The following DDX6 variants were observed in gnomAD, a reference collection of about 807,000 sequenced individuals.
The protein encoded by DDX6 is probable ATP-dependent RNA helicase DDX6.
DDX6 carries 7 observed loss-of-function variants against 60.6 expected under a neutral mutation model. That is an observed-to-expected ratio of 0.12 (90% CI 0.07 to 0.22). DDX6 has a LOEUF of 0.22. DDX6 is among the 10% of genes least tolerant of loss of function. DDX6 has a pLI of 1.00. For synonymous variants in DDX6, 207 were observed against 201.0 expected, an observed-to-expected ratio of 1.03 and a Z score of -0.25; for missense variants, 270 against 589.9, an observed-to-expected ratio of 0.46 and a Z score of 5.62.
intron 4 of DDX6, among the ~76,000 whole-genome samples, chr11:118,773,405 TA>T (rs58173540): frequency 6.6e-6 from 1 of 151,178 alleles, no homozygotes; most frequent in Non-Finnish European, 1.5e-5. Context: ...CCGTCTCTAC[TA>T]AAAAAATACA....
chr11:118,779,000 T>C (rs575630572), intron 4 of DDX6, among the ~76,000 whole-genome samples: 6 of 151,370 alleles, frequency 4.0e-5, no homozygotes, highest in South Asian at 2.1e-4. Context: ...TACAAAAAAA[T>C]AGAAAAATTA....
At position 118,756,217 on chromosome 11, in the gene DDX6, T is replaced by C. The variant is rs576060897; in HGVS notation, c.1174+43A>G. 19 of 1,565,484 alleles carry C rather than the reference T, an allele frequency of 1.2e-5. No individual in the cohort carries two copies. In the East Asian group the frequency reaches 3.6e-4, roughly 30 times the overall value. ...ATGAACAGAGAAAGCAAAAAACAAC[T>C]TGGGAGAAAAACACTGGGTAAAGGA... is the stretch of plus-strand genomic sequence containing the variant. On this transcript the variant is annotated intron_variant, in intron 11 of 13. Coordinates refer to ENST00000534980, the MANE Select transcript of DDX6 (RefSeq NM_004397.6).
intron 13 of DDX6, among the ~76,000 whole-genome samples, chr11:118,753,872 A>T (rs1555158063): frequency 1.3e-5 from 2 of 152,056 alleles, no homozygotes; most frequent in Non-Finnish European, 2.9e-5. Flanking sequence ...AGGCGGGTAG[A>T]TCACTTGAGG....
At chr11:118,758,219 G>C (rs1472697011) in intron 9 of DDX6, among the ~76,000 whole-genome samples, 2 of 152,156 alleles carry the variant, frequency 1.3e-5, no homozygotes, top group Non-Finnish European at 2.9e-5. Flanking sequence ...CACAAATACA[G>C]AATATGTGAA....
At chr11:118,772,593 A>T (rs1555162812) in intron 4 of DDX6, among the ~76,000 whole-genome samples, 1 of 152,126 alleles carries the variant, frequency 6.6e-6, no homozygotes, top group Non-Finnish European at 1.5e-5. Context: ...CTCTAAATGC[A>T]CTAAAAAGCA....
Position 118,748,404 on chromosome 11 carries a change from A to G in DDX6, c.*3701T>C, listed in dbSNP as rs1358625187. ...TAAAAAACTATCTTTAGATTTAGAG[A>G]TACAAAGTACAACTACAATCTCACA... is the stretch of plus-strand genomic sequence containing the variant. On this transcript the variant is annotated 3_prime_UTR_variant, in exon 14 of 14. Coordinates refer to ENST00000534980, the MANE Select transcript of DDX6 (RefSeq NM_004397.6). 6.6e-6 allele frequency: 1 copy of G among 152,184 alleles called. No homozygotes were observed. The allele number at this position is 152,184 out of a possible 1,614,324, so 9.4% of individuals were successfully genotyped here.
intron 7 of DDX6, 41 bp from the exon 8 acceptor site, chr11:118,760,085 A>C (rs199833728): frequency 7.5e-6 from 12 of 1,589,884 alleles, no homozygotes; most frequent in African/African-American, 1.3e-5. Flanking sequence ...ACAATAAAAT[A>C]ATGTCTAAGG....
chr11:118,766,396 C>CA (rs782510909), intron 5 of DDX6, among the ~76,000 whole-genome samples: 1 of 152,010 alleles, frequency 6.6e-6, no homozygotes, highest in Non-Finnish European at 1.5e-5. Flanking sequence ...ATCATGACAC[C>CA]ACACTCCAGA....
intron 2 of DDX6, among the ~76,000 whole-genome samples, chr11:118,781,686 G>A (rs1253255259): frequency 6.6e-6 from 1 of 152,170 alleles, no homozygotes; most frequent in South Asian, 2.1e-4. Flanking sequence ...CCAGCACTTT[G>A]GGAGGCCAAG....
chr11:118,772,879 CACCAATTTTCTAA>C (rs1334390329), intron 4 of DDX6, among the ~76,000 whole-genome samples: 1 of 152,184 alleles, frequency 6.6e-6, no homozygotes, highest in Non-Finnish European at 1.5e-5. Context: ...GACCAAGCCT[CACCAATTTTCTAA>C]GCCAAGTGGT....
rs200882933 is a variant in DDX6, at chr11:118,772,675, C to A, written c.370-4323G>T. Among the ~76,000 whole-genome samples, 16 of 152,110 alleles carry A rather than the reference C, an allele frequency of 1.1e-4. No homozygotes were observed. The East Asian group carries it at 2.5e-3, about 24-fold the overall frequency. On this transcript the variant is annotated intron_variant, in intron 4 of 13. Coordinates refer to ENST00000534980, the MANE Select transcript of DDX6 (RefSeq NM_004397.6). The stretch of plus-strand genomic sequence containing the variant: ...AGCTATTACCCCCAAAAAACAAAAC[C>A]CCAAAAAACCAACCCCACAAGCTTA...
intron 4 of DDX6, among the ~76,000 whole-genome samples, chr11:118,778,415 T>C (rs76076063): frequency 4.6e-5 from 7 of 152,240 alleles, no homozygotes; most frequent in East Asian, 1.9e-4. Context: ...CATCCCCCCA[T>C]TGATGATAAT....
At chr11:118,766,272 A>G (rs10892283) in intron 5 of DDX6, among the ~76,000 whole-genome samples, 25,957 of 151,562 alleles carry the variant, frequency 0.17, 2,465 homozygotes, top group South Asian at 0.29. Flanking sequence ...ACTAAAAAAA[A>G]AAATGAAAAA....
intron 2 of DDX6, among the ~76,000 whole-genome samples, chr11:118,782,429 A>G (rs1189437648): frequency 6.6e-6 from 1 of 152,014 alleles, no homozygotes; most frequent in East Asian, 1.9e-4. Flanking sequence ...AAAAAAGATC[A>G]GGGAACATCT....
At position 118,751,409 on chromosome 11, in the gene DDX6, G is replaced by A. The variant is rs1309218207; in HGVS notation, c.*696C>T. 3 of 151,556 alleles carry A rather than the reference G, an allele frequency of 2.0e-5. No homozygotes were observed. The highest frequency in any genetic ancestry group is 4.4e-5 in the Non-Finnish European group (3 of 67,968). The allele number at this position is 151,556 out of a possible 1,614,324, so 9.4% of individuals were successfully genotyped here. ...TTTACAGTGCGGATGAACTGCAGTT[G>A]CATATCAACTCCTCCCCAAAAAGAA... On this transcript the variant is annotated 3_prime_UTR_variant, in exon 14 of 14. Transcript: ENST00000534980.
intron 9 of DDX6, among the ~76,000 whole-genome samples, chr11:118,758,553 A>G (rs1400649862): frequency 6.6e-6 from 1 of 151,968 alleles, no homozygotes; most frequent in African/African-American, 2.4e-5. Flanking sequence ...TGTATTTTGT[A>G]GTAGAGATGG....
Position 118,771,859 on chromosome 11 carries a change from C to T in DDX6, c.370-3507G>A, listed in dbSNP as rs372064647. Among the ~76,000 whole-genome samples the T allele has an allele frequency of 3.0e-4, 45 of 152,302 alleles. No individual in the cohort carries two copies. The East Asian group carries it at 6.2e-3, about 21-fold the overall frequency. On this transcript the variant is annotated intron_variant, in intron 4 of 13. Transcript: ENST00000534980. ...CACTGCTAGTGGGAATGTACAGCTA[C>T]GCTGGAAACCAGCCTTGCAGTTCCT...
intron 3 of DDX6, among the ~76,000 whole-genome samples, 178 bp downstream of exon 3, chr11:118,780,943 G>A (rs1030686756): frequency 3.3e-5 from 5 of 152,178 alleles, no homozygotes; most frequent in Non-Finnish European, 7.4e-5. Context: ...CTGAGCATTT[G>A]TTTTCTCATC....
At chr11:118,790,668 G>A (rs1332594691) in intron 1 of DDX6, among the ~76,000 whole-genome samples, 1 of 151,872 alleles carries the variant, frequency 6.6e-6, no homozygotes, top group Non-Finnish European at 1.5e-5. Context: ...TCCTCCTGCC[G>A]ACCCTGCTGC....
Sources: allele counts gnomAD v4.1 joint callset (sites outside exome capture counted in the v4.1 genomes callset), GRCh38; gene constraint gnomAD v4.1.1; transcripts MANE v1.5; gene names NCBI Gene and HGNC (gene_info 2026-07-23, HGNC 2026-07-21).